The following DNAI7 variants were observed in gnomAD, a reference collection of about 807,000 sequenced individuals.
DNAI7 encodes cancer susceptibility 1.
Under a neutral mutation model 86.6 loss-of-function variants are expected in DNAI7, and 78 were observed. That is an observed-to-expected ratio of 0.90 (90% CI 0.75 to 1.09). DNAI7 has a LOEUF of 1.09. Ranked by LOEUF, DNAI7 falls within the 50% of genes least tolerant of loss-of-function variation. The probability of loss-of-function intolerance (pLI) is 0.00; values close to 1 mark genes in which losing one functional copy is unlikely to be tolerated. For synonymous variants in DNAI7, 274 were observed against 273.0 expected, an observed-to-expected ratio of 1.00 and a Z score of -0.04; for missense variants, 753 against 810.2, an observed-to-expected ratio of 0.93 and a Z score of 0.86.
intron 9 of DNAI7, among the ~76,000 whole-genome samples, chr12:25,138,750 A>G (rs1253357847): frequency 1.3e-5 from 2 of 152,016 alleles, no homozygotes; most frequent in Non-Finnish European, 2.9e-5. Flanking sequence ...TAAATCAAAA[A>G]CTCTGAAAGA....
chr12:25,117,329 T>C (rs2140409560), intron 12 of DNAI7, among the ~76,000 whole-genome samples: 1 of 152,346 alleles, frequency 6.6e-6, no homozygotes, highest in East Asian at 1.9e-4. Context: ...AGGGCATTCA[T>C]TAAAAAATTT....
At chr12:25,140,780 T>C (rs1353055733) in intron 9 of DNAI7, among the ~76,000 whole-genome samples, 1 of 151,998 alleles carries the variant, frequency 6.6e-6, no homozygotes, top group Non-Finnish European at 1.5e-5. Context: ...AGAACAAATC[T>C]GGAGGCATTG....
chr12:25,179,610 T>C (rs1033698466), intron 2 of DNAI7, among the ~76,000 whole-genome samples: 1 of 152,088 alleles, frequency 6.6e-6, no homozygotes, highest in African/African-American at 2.4e-5. Context: ...TTTATCATCA[T>C]GCAAGGATGG....
At chr12:25,141,820 ACT>A (rs1448903873) in intron 9 of DNAI7, among the ~76,000 whole-genome samples, 1 of 145,060 alleles carries the variant, frequency 6.9e-6, no homozygotes, top group Non-Finnish European at 1.5e-5. Context: ...ACAGAGTGAG[ACT>A]CTGTCTCAAA....
At chr12:25,112,430 G>C (rs111295519) in intron 13 of DNAI7, among the ~76,000 whole-genome samples, 2 of 121,746 alleles carry the variant, frequency 1.6e-5, no homozygotes, top group Admixed American at 9.2e-5. Flanking sequence ...TTTTTGAGAC[G>C]GAGTCTCCCT....
chr12:25,112,243 C>T (rs1022926025), intron 13 of DNAI7, among the ~76,000 whole-genome samples: 2 of 152,074 alleles, frequency 1.3e-5, no homozygotes, highest in African/African-American at 2.4e-5. Flanking sequence ...TATGTTCACA[C>T]TGAATTAAAA....
chr12:25,110,379 A>G (rs1263953281), intron 14 of DNAI7, 139 bp from the exon 15 acceptor site: 1 of 612,558 alleles, frequency 1.6e-6, no homozygotes, highest in African/African-American at 1.9e-5. Context: ...TCCTCTCTCA[A>G]CACTGGGCAA....
At chr12:25,116,825 T>C (rs889866423) in intron 12 of DNAI7, among the ~76,000 whole-genome samples, 1 of 152,168 alleles carries the variant, frequency 6.6e-6, no homozygotes, top group Non-Finnish European at 1.5e-5. Context: ...GATAAATACT[T>C]AGGAATATTA....
chr12:25,173,933 TA>T (rs1287387827), intron 2 of DNAI7, among the ~76,000 whole-genome samples: 2 of 7,032 alleles, frequency 2.8e-4, no homozygotes, highest in African/African-American at 9.5e-4. Flanking sequence ...ATATCATATA[TA>T]ATCATATATA....
chr12:25,147,476 A>ACTCC (rs1555170057), intron 7 of DNAI7, among the ~76,000 whole-genome samples: 1 of 148,004 alleles, frequency 6.8e-6, no homozygotes, highest in African/African-American at 2.4e-5. Flanking sequence ...ACATAATGAG[A>ACTCC]CCACCCCCAT....
At chr12:25,175,555 C>G (rs1309793134) in intron 2 of DNAI7, among the ~76,000 whole-genome samples, 1 of 151,080 alleles carries the variant, frequency 6.6e-6, no homozygotes, top group Non-Finnish European at 1.5e-5. Flanking sequence ...ACCATGTTGG[C>G]CAGGCTGGTC....
At chr12:25,157,926 T>G (rs531293659) in intron 4 of DNAI7, among the ~76,000 whole-genome samples, 28 of 152,164 alleles carry the variant, frequency 1.8e-4, no homozygotes, top group Admixed American at 8.5e-4. Flanking sequence ...GCAGCAAGAC[T>G]TGCTTAGATC....
rs767117439 is a variant in DNAI7, at chr12:25,108,592, C to G, written c.2125G>C (p.Val709Leu). 6.2e-7 allele frequency: 1 copy of G among 1,613,778 alleles called. No homozygotes were observed. Reference sequence around the variant, plus strand: ...CTGGTAGAGAGCAGCATGTGGCACACAGAGTTGACAAACTGACAGTTGGAA... The same window carrying G: ...CTGGTAGAGAGCAGCATGTGGCACAGAGAGTTGACAAACTGACAGTTGGAA... ...RSSNCQFVNS[V>L]CHMLLSTRLL... The change falls in exon 16 of 16, where the codon GTG (valine) becomes CTG (leucine). Residue 709 changes from valine (V) to leucine (L), a missense_variant. Physicochemically the swap from Val to Leu is conservative, Grantham distance 32 (BLOSUM62 1). Coordinates refer to ENST00000395987, the MANE Select transcript of DNAI7 (RefSeq NM_018272.5).
intron 9 of DNAI7, among the ~76,000 whole-genome samples, chr12:25,125,579 G>C (rs892526705): frequency 1.3e-5 from 2 of 152,110 alleles, no homozygotes; most frequent in African/African-American, 4.8e-5. Context: ...TCTGTTGATA[G>C]TTTCTTTTGC....
At chr12:25,133,426 C>T (rs1225745517) in intron 9 of DNAI7, among the ~76,000 whole-genome samples, 1 of 152,148 alleles carries the variant, frequency 6.6e-6, no homozygotes, top group Non-Finnish European at 1.5e-5. Flanking sequence ...AGTCTACTCA[C>T]ACCTACGAAA....
intron 2 of DNAI7, among the ~76,000 whole-genome samples, chr12:25,173,509 C>A (rs908024166): frequency 6.6e-6 from 1 of 151,964 alleles, no homozygotes; most frequent in Non-Finnish European, 1.5e-5. Flanking sequence ...GGTGGGAATG[C>A]AAACTAGTAC....
chr12:25,193,829 CT>C (rs79253236), intron 1 of DNAI7, among the ~76,000 whole-genome samples: 149,227 of 151,006 alleles, frequency 0.99, 73,743 homozygotes, highest in East Asian at 1. Flanking sequence ...CTTTTTTTCT[CT>C]TTTTTTTTTG....
rs765847320 is a variant in DNAI7 at position 25,108,724 on chromosome 12, T to G, written c.1993A>C (p.Ser665Arg). 1.9e-6 allele frequency: 3 copies of G among 1,612,486 alleles called. No individual in the cohort carries two copies. Among genetic ancestry groups the G allele is most frequent in the Non-Finnish European group, 1.7e-6 (2 of 1,179,532 alleles). ...RAQRLKIKEE[S>R]EAFSEALKEE... ...TTAAGTGCTTCAGAAAATGCCTCAC[T>G]CTCTTCCTTGATCTTCAGTCTTTGT... Residue 665 changes from serine (S) to arginine (R), a missense_variant, in exon 16 of 16, where the codon AGT becomes CGT. Physicochemically the swap from Ser to Arg is moderately radical, Grantham distance 110 (BLOSUM62 -1). Transcript: ENST00000395987.
In DNAI7 at chr12:25,111,808, A is replaced by T; in HGVS notation, c.1743T>A (p.Thr581=). ...TAATAACATAAAAATGAGAGTGTCT[A>T]GTAGGAAAGATATTCAGTCCAGCTT... ...LKEAGLNIFP[T]RHSHFYVIIN... The change falls in exon 14 of 16, where the codon ACT becomes ACA. Residue 581 remains threonine, a synonymous_variant. Coordinates refer to ENST00000395987, the MANE Select transcript of DNAI7 (RefSeq NM_018272.5). The T allele has an allele frequency of 6.3e-7, 1 of 1,598,730 alleles. No homozygotes were observed. The highest frequency in any genetic ancestry group is 1.1e-5 in the South Asian group (1 of 87,838).
Sources: allele counts gnomAD v4.1 joint callset (sites outside exome capture counted in the v4.1 genomes callset), GRCh38; gene constraint gnomAD v4.1.1; transcripts MANE v1.5; gene names NCBI Gene and HGNC (gene_info 2026-07-23, HGNC 2026-07-21).